Variants in CCDC192 observed in about 807,000 individuals in gnomAD.
CCDC192 encodes coiled-coil domain-containing protein 192.
At chr5:127,872,536 C>G (rs2127128876) in intron 5 of CCDC192, among the ~76,000 whole-genome samples, 1 of 152,302 alleles carries the variant, frequency 6.6e-6, no homozygotes, top group East Asian at 1.9e-4. Flanking sequence ...TTCCAGTGAC[C>G]TCTCAACCCA....
intron 3 of CCDC192, among the ~76,000 whole-genome samples, chr5:127,754,630 A>G (rs1754472782): frequency 6.6e-6 from 1 of 151,758 alleles, no homozygotes; most frequent in African/African-American, 2.4e-5. Flanking sequence ...TCATCTTTAT[A>G]TTTTATTTGA....
chr5:127,769,363 TG>T (rs1472943558), intron 3 of CCDC192, among the ~76,000 whole-genome samples: 1 of 152,126 alleles, frequency 6.6e-6, no homozygotes, highest in African/African-American at 2.4e-5. Flanking sequence ...CTGATTTGCC[TG>T]GTATACATTC....
intron 6 of CCDC192, among the ~76,000 whole-genome samples, chr5:127,891,447 G>T (rs1037280316): frequency 1.3e-5 from 2 of 152,166 alleles, no homozygotes; most frequent in African/African-American, 4.8e-5. Context: ...CTAAATTCTT[G>T]CTTCTTCACT....
intron 5 of CCDC192, among the ~76,000 whole-genome samples, chr5:127,816,863 A>G (rs1749048501): frequency 6.6e-6 from 1 of 152,246 alleles, no homozygotes; most frequent in South Asian, 2.1e-4. Flanking sequence ...CATCACACCC[A>G]GTAAGTTTGT....
chr5:127,702,469 T>C (rs1367289140), upstream of CCDC192, among the ~76,000 whole-genome samples: 1 of 152,204 alleles, frequency 6.6e-6, no homozygotes, highest in African/African-American at 2.4e-5. Flanking sequence ...AGGGGCTGGG[T>C]CACTTGAAGT....
intron 5 of CCDC192, among the ~76,000 whole-genome samples, chr5:127,874,688 G>A (rs1311669853): frequency 6.6e-6 from 1 of 152,050 alleles, no homozygotes; most frequent in Non-Finnish European, 1.5e-5. Context: ...CTAATTACCA[G>A]CCCACAAAGA....
intron 5 of CCDC192, among the ~76,000 whole-genome samples, chr5:127,845,254 T>C (rs1027776900): frequency 6.6e-6 from 1 of 151,850 alleles, no homozygotes; most frequent in African/African-American, 2.4e-5. Flanking sequence ...AGGGAGTGAG[T>C]TGGGATGCTG....
chr5:127,833,332 G>T (rs1015515960), intron 5 of CCDC192, among the ~76,000 whole-genome samples: 2 of 151,974 alleles, frequency 1.3e-5, no homozygotes, highest in Non-Finnish European at 2.9e-5. Flanking sequence ...AATTATTTAG[G>T]CTTTTAATTC....
chr5:127,874,749 G>A (rs1247720964), intron 5 of CCDC192, among the ~76,000 whole-genome samples: 2 of 152,124 alleles, frequency 1.3e-5, no homozygotes, highest in East Asian at 1.9e-4. Flanking sequence ...AAAGCAACAC[G>A]AAAGCGCAAA....
chr5:127,875,318 A>T (rs950483329), intron 5 of CCDC192, among the ~76,000 whole-genome samples: 1 of 152,188 alleles, frequency 6.6e-6, no homozygotes, highest in African/African-American at 2.4e-5. Flanking sequence ...AGATACTATG[A>T]TGAAGAGAGT....
intron 5 of CCDC192, among the ~76,000 whole-genome samples, chr5:127,827,407 C>T (rs193100150): frequency 3.3e-4 from 50 of 152,164 alleles, no homozygotes; most frequent in Non-Finnish European, 6.2e-4. Flanking sequence ...CCGTGTCCTT[C>T]GGGAATAAAG....
In CCDC192 at chr5:127,785,534, C is replaced by T. The variant is rs528960977; in HGVS notation, c.223-11569C>T. The T allele has an allele frequency of 9.1e-5, 16 of 175,660 alleles. No individual in the cohort carries two copies. In the South Asian group the frequency reaches 9.2e-4, roughly 10 times the overall value. The allele number at this position is 175,660 out of a possible 1,614,324, so 10.9% of individuals were successfully genotyped here. A position where few individuals can be genotyped will look rare whatever the true frequency, so the allele number is the denominator to read the frequency against. On this transcript the variant is annotated intron_variant, in intron 3 of 6. Transcript: ENST00000514853. ...TCCCTTAGAGTTGGAACGTAGTTATCGGCAATTCACAGCTTTCTATGCCAG... is the reference window on the plus strand; with the variant it reads ...TCCCTTAGAGTTGGAACGTAGTTATTGGCAATTCACAGCTTTCTATGCCAG...
intron 5 of CCDC192, among the ~76,000 whole-genome samples, chr5:127,852,626 G>C (rs151882): frequency 0.66 from 100,227 of 152,046 alleles, 33,108 homozygotes; most frequent in Non-Finnish European, 0.69. Context: ...ATAAAACTCT[G>C]AGTTTGCTCC....
At chr5:127,745,300 C>G (rs1464777685) in intron 2 of CCDC192, among the ~76,000 whole-genome samples, 1 of 152,120 alleles carries the variant, frequency 6.6e-6, no homozygotes, top group Non-Finnish European at 1.5e-5. Flanking sequence ...TGAGAAGGTA[C>G]TGGAATAGAT....
chr5:127,793,667 A>G (rs1369876283), intron 3 of CCDC192, among the ~76,000 whole-genome samples: 2 of 152,244 alleles, frequency 1.3e-5, no homozygotes, highest in African/African-American at 2.4e-5. Context: ...CAAAAAATAT[A>G]AAGAAAATTG....
chr5:127,839,442 T>C (rs245327), intron 5 of CCDC192, among the ~76,000 whole-genome samples: 107,172 of 152,102 alleles, frequency 0.7, 37,894 homozygotes, highest in African/African-American at 0.77. Context: ...GAAGAAAATA[T>C]ACCAAAATGT....
At chr5:127,884,801 T>G (rs1382995135) in intron 6 of CCDC192, among the ~76,000 whole-genome samples, 1 of 152,188 alleles carries the variant, frequency 6.6e-6, no homozygotes, top group African/African-American at 2.4e-5. Flanking sequence ...ATCCACTGTT[T>G]TATCTTGTCA....
chr5:127,829,691 AT>A (rs1010931798), intron 5 of CCDC192, among the ~76,000 whole-genome samples: 1 of 152,272 alleles, frequency 6.6e-6, no homozygotes, highest in South Asian at 2.1e-4. Flanking sequence ...TTATTGGTCT[AT>A]TTTTTTAAAG....
At position 127,749,773 on chromosome 5, in the gene CCDC192, T is replaced by C. The variant is rs568119674; in HGVS notation, c.115-4495T>C. 4.1e-4 allele frequency among the ~76,000 whole-genome samples: 62 copies of C among 152,364 alleles called. 1 individual carries two copies. The South Asian group carries it at 5.6e-3, about 14-fold the overall frequency. Reference sequence around the variant, plus strand: ...TCTTTTTGGTTGGTAAGCTATTGATTATTGCCACAATTTGAGATCCTGTTA... The same window carrying C: ...TCTTTTTGGTTGGTAAGCTATTGATCATTGCCACAATTTGAGATCCTGTTA... On this transcript the variant is annotated intron_variant, in intron 2 of 6. Transcript: ENST00000514853.
Sources: allele counts gnomAD v4.1 joint callset (sites outside exome capture counted in the v4.1 genomes callset), GRCh38; gene constraint gnomAD v4.1.1; transcripts MANE v1.5; gene names NCBI Gene and HGNC (gene_info 2026-07-23, HGNC 2026-07-21).